ASNSD1: variants seen among roughly 807,000 people sequenced by gnomAD.
ASNSD1 encodes the protein asparagine synthetase domain-containing protein 1.
Under a neutral mutation model 48.3 loss-of-function variants are expected in ASNSD1, and 36 were observed. The ratio of observed to expected loss-of-function variants is 0.75; its 90% CI spans 0.57 to 0.99. The LOEUF (loss-of-function observed/expected upper bound fraction) is 0.99, where lower values mean the gene tolerates loss of function less well. Ranked by LOEUF, ASNSD1 falls within the 50% of genes least tolerant of loss-of-function variation. The pLI is 0.00. For synonymous variants in ASNSD1, 257 were observed against 262.1 expected, an observed-to-expected ratio of 0.98 and a Z score of 0.19; for missense variants, 714 against 758.2, an observed-to-expected ratio of 0.94 and a Z score of 0.69.
chr2:189,668,354 A>AC (rs1412992045), intron 5 of ASNSD1, among the ~76,000 whole-genome samples: 1 of 150,774 alleles, frequency 6.6e-6, no homozygotes, highest in East Asian at 1.9e-4. Context: ...ACTTCTACTA[A>AC]AAATACAAAA....
chr2:189,666,514 A>G lies in ASNSD1; in HGVS notation c.382A>G (p.Ser128Gly). 6.2e-7 allele frequency: 1 copy of G among 1,613,582 alleles called. No homozygotes were observed. Among genetic ancestry groups the G allele is most frequent in the Non-Finnish European group, 8.5e-7 (1 of 1,179,876 alleles). ...GTCATTTATATATTATCAAGCATCTAGTCATTATTTATGGTTTGGTAGGGA... is the reference window on the plus strand; with the variant it reads ...GTCATTTATATATTATCAAGCATCTGGTCATTATTTATGGTTTGGTAGGGA... Reference protein sequence around the residue: ...PWSFIYYQASSHYLWFGRDFF... With the variant: ...PWSFIYYQASGHYLWFGRDFF... Residue 128 changes from serine to glycine, a missense_variant, in exon 4 of 6, where the codon AGT (serine) becomes GGT (glycine). Transcript: ENST00000260952.
chr2:189,664,963 C>T (rs2032751614), intron 2 of ASNSD1, among the ~76,000 whole-genome samples: 1 of 152,108 alleles, frequency 6.6e-6, no homozygotes, highest in Non-Finnish European at 1.5e-5. Flanking sequence ...GATGGTAACA[C>T]CTTAAATGTC....
intron 4 of ASNSD1, 60 bp downstream of exon 4, chr2:189,667,656 T>A: frequency 1.3e-6 from 2 of 1,540,958 alleles, no homozygotes; most frequent in Non-Finnish European, 1.7e-6. Context: ...CCCTTAAAGC[T>A]TTTAGCATTT....
chr2:189,666,734 A>C lies in ASNSD1; in HGVS notation c.602A>C (p.Tyr201Ser), dbSNP rs146351895. ...ATTTTACAACTGTATCCTTGGAAAT[A>C]TATTTCTAGGGAGAATATTATTGAA... The part of the protein sequence containing the change: ...CIILQLYPWK[Y>S]ISRENIIEEN... The change falls in exon 4 of 6, where the codon TAT (tyrosine) becomes TCT (serine). Residue 201 changes from tyrosine (Y) to serine (S), a missense_variant. By Grantham distance (144) the Tyr-to-Ser change is moderately radical. Coordinates refer to ENST00000260952, the MANE Select transcript of ASNSD1 (RefSeq NM_019048.4). The C allele has an allele frequency of 2.5e-6, 4 of 1,613,166 alleles. No homozygotes were observed. The African/African-American group carries it at 5.3e-5, about 22-fold the overall frequency.
At position 189,666,029 on chromosome 2, in the gene ASNSD1, T is replaced by C. The variant is rs1308387325; in HGVS notation, c.-92-12T>C. The C allele has an allele frequency of 2.4e-6, 3 of 1,250,384 alleles. No individual in the cohort carries two copies. The highest frequency in any genetic ancestry group is 3.3e-6 in the Non-Finnish European group (3 of 918,152). The allele number at this position is 1,250,384 out of a possible 1,614,324, so 77.5% of individuals were successfully genotyped here. A position where few individuals can be genotyped will look rare whatever the true frequency, so the allele number is the denominator to read the frequency against. On this transcript the variant is annotated splice_polypyrimidine_tract_variant and intron_variant, in intron 3 of 5. Coordinates refer to ENST00000260952, the MANE Select transcript of ASNSD1 (RefSeq NM_019048.4). ...TATGTTATTTAATATTTATTCTCCT[T>C]CCCTGCAACAGATATATTGGATGAA... is the stretch of plus-strand genomic sequence containing the variant.
At position 189,666,267 on chromosome 2, in the gene ASNSD1, C is replaced by T. The variant is rs771137306; in HGVS notation, c.135C>T (p.Tyr45=). The part of the protein sequence containing the change: ...SKQLLKSDVN[Y]QCLFSAHVLH... ...AATTGTTAAAGTCTGATGTTAACTA[C>T]CAGTGTTTATTTTCTGCTCACGTCC... The change falls in exon 4 of 6, where the codon TAC becomes TAT. Residue 45 remains tyrosine (Y), a synonymous_variant. Coordinates refer to ENST00000260952, the MANE Select transcript of ASNSD1 (RefSeq NM_019048.4). 5 of 1,613,922 alleles carry T rather than the reference C, an allele frequency of 3.1e-6. No homozygotes were observed. The highest frequency in any genetic ancestry group is 1.1e-5 in the South Asian group (1 of 91,072).
Position 189,661,473 on chromosome 2 carries a change from A to T in ASNSD1, c.-360A>T. ...GCGCATGCGCTGTGGCTAATGCCGT[A>T]GGCTCCTTCAGGGCTGAGCCATCCC... On this transcript the variant is annotated 5_prime_UTR_variant, in exon 1 of 6. It removes the in-frame stop codon of an upstream open reading frame in the 5' UTR. Transcript: ENST00000260952. The T allele has an allele frequency of 2.5e-6, 1 of 399,198 alleles. No homozygotes were observed. Among genetic ancestry groups the T allele is most frequent in the Non-Finnish European group, 4.4e-6 (1 of 226,170 alleles). The allele number at this position is 399,198 out of a possible 1,614,324, so 24.7% of individuals were successfully genotyped here. A position where few individuals can be genotyped will look rare whatever the true frequency, so the allele number is the denominator to read the frequency against.
chr2:189,661,459 G>A lies in ASNSD1; in HGVS notation c.-374G>A, dbSNP rs1317091733. ...GCGCGGCTGGAAGCGCGCATGCGCT[G>A]TGGCTAATGCCGTAGGCTCCTTCAG... On this transcript the variant is annotated 5_prime_UTR_variant, in exon 1 of 6. It adds an upstream start codon to the 5' untranslated region. Transcript: ENST00000260952. 1.8e-5 allele frequency: 7 copies of A among 398,988 alleles called. No homozygotes were observed. The highest frequency in any genetic ancestry group is 2.5e-4 in the South Asian group (2 of 7,858). The allele number at this position is 398,988 out of a possible 1,614,324, so 24.7% of individuals were successfully genotyped here. A position where few individuals can be genotyped will look rare whatever the true frequency, so the allele number is the denominator to read the frequency against.
rs1559035122 is a variant in ASNSD1 at position 189,666,786 on chromosome 2, T to TCCC, written c.654_655insCCC (p.Ile218_Ser219insPro). ...AAAATGTTAATAGCCTGAGTCAAAT[T>TCCC]TCAGCAGACTTACCAGCATTTGTAT... On this transcript the variant is annotated inframe_insertion, in exon 4 of 6. Transcript: ENST00000260952. The TCCC allele has an allele frequency of 6.2e-7, 1 of 1,614,020 alleles. No homozygotes were observed. The highest frequency in any genetic ancestry group is 8.5e-7 in the Non-Finnish European group (1 of 1,179,890).
In ASNSD1 at chr2:189,661,600, TAAGCAGCAAGGTGA is replaced by T. The variant is rs2032665782; in HGVS notation, c.-232_-223+4del. 1 of 399,230 alleles carries T rather than the reference TAAGCAGCAAGGTGA, an allele frequency of 2.5e-6. No homozygotes were observed. The highest frequency in any genetic ancestry group is 4.4e-6 in the Non-Finnish European group (1 of 226,334). 24.7% of individuals were successfully genotyped at this position (399,230 alleles called of 1,614,324 possible). ...AATTCGACCCCACACAAGGAGGATC[TAAGCAGCAAGGTGA>T]GTGTGAGACGCGACGAAAAGGCTCC... On this transcript the variant is annotated splice_donor_variant and splice_donor_region_variant and 5_prime_UTR_variant and intron_variant, in exon 1 of 6. Coordinates refer to ENST00000260952, the MANE Select transcript of ASNSD1 (RefSeq NM_019048.4). LOFTEE classifies it low-confidence loss of function (5UTR_SPLICE).
intron 4 of ASNSD1, 84 bp downstream of exon 4, chr2:189,667,680 A>T: frequency 1.3e-6 from 2 of 1,539,476 alleles, no homozygotes; most frequent in Non-Finnish European, 1.7e-6. Flanking sequence ...TTGTAAGAAT[A>T]TAGCATATTT....
intron 1 of ASNSD1, among the ~76,000 whole-genome samples, chr2:189,661,846 G>C (rs974758727): frequency 6.6e-6 from 1 of 152,182 alleles, no homozygotes; most frequent in Non-Finnish European, 1.5e-5. Flanking sequence ...GTGACAGTGG[G>C]GCGGAGTTTT....
Position 189,666,235 on chromosome 2 carries a change from A to G in ASNSD1, c.103A>G (p.Ser35Gly), listed in dbSNP as rs749038399. The G allele has an allele frequency of 2.5e-6, 4 of 1,614,152 alleles. No homozygotes were observed. The highest frequency in any genetic ancestry group is 3.4e-6 in the Non-Finnish European group (4 of 1,179,994). The change falls in exon 4 of 6, where the codon AGT becomes GGT. Residue 35 changes from serine (S) to glycine (G), a missense_variant. By Grantham distance (56) the Ser-to-Gly change is moderately conservative. Transcript: ENST00000260952. ...YNLKQRGPNS[S>G]KQLLKSDVNY... ...TCTTAAACAGCGGGGACCCAATAGT[A>G]GTAAACAATTGTTAAAGTCTGATGT...
intron 1 of ASNSD1, among the ~76,000 whole-genome samples, chr2:189,662,760 T>C (rs2032695947): frequency 6.6e-6 from 1 of 151,918 alleles, no homozygotes; most frequent in South Asian, 2.1e-4. Context: ...AGAAACTTAG[T>C]TTTCACTTAG....
intron 2 of ASNSD1, among the ~76,000 whole-genome samples, 181 bp downstream of exon 2, chr2:189,664,135 G>A (rs1285547256): frequency 1.3e-5 from 2 of 152,142 alleles, no homozygotes; most frequent in African/African-American, 4.8e-5. Context: ...TCTCATAGCT[G>A]AAGATGTCTT....
chr2:189,665,281 A>AG, intron 2 of ASNSD1, 95 bp from the exon 3 acceptor site: 1 of 373,362 alleles, frequency 2.7e-6, no homozygotes, highest in East Asian at 3.7e-5. Flanking sequence ...ATTGTACTGA[A>AG]TAGATTTTCA....
In ASNSD1 at chr2:189,661,468, G is replaced by A; in HGVS notation, c.-365G>A. The A allele has an allele frequency of 2.5e-6, 1 of 399,202 alleles. No homozygotes were observed. Among genetic ancestry groups the A allele is most frequent in the Non-Finnish European group, 4.4e-6 (1 of 226,174 alleles). 24.7% of individuals were successfully genotyped at this position (399,202 alleles called of 1,614,324 possible). A position where few individuals can be genotyped will look rare whatever the true frequency, so the allele number is the denominator to read the frequency against. ...GAAGCGCGCATGCGCTGTGGCTAATGCCGTAGGCTCCTTCAGGGCTGAGCC... is the reference window on the plus strand; with the variant it reads ...GAAGCGCGCATGCGCTGTGGCTAATACCGTAGGCTCCTTCAGGGCTGAGCC... On this transcript the variant is annotated 5_prime_UTR_variant, in exon 1 of 6. It removes an upstream start codon present in the reference 5' UTR. Transcript: ENST00000260952.
rs1249857841 is a variant in ASNSD1 at position 189,666,945 on chromosome 2, A to G, written c.813A>G (p.Gln271=). Residue 271 remains glutamine (Q), a synonymous_variant, in exon 4 of 6, where the codon CAA becomes CAG. Coordinates refer to ENST00000260952, the MANE Select transcript of ASNSD1 (RefSeq NM_019048.4). The stretch of plus-strand genomic sequence containing the variant: ...TGCCACCTACAAGAGAGATACTTCA[A>G]GTCTTTCTTACTGATGTACACATGA... ...SNVPPTREIL[Q]VFLTDVHMKE... 1 of 1,614,120 alleles carries G rather than the reference A, an allele frequency of 6.2e-7. No homozygotes were observed. The highest frequency in any genetic ancestry group is 1.3e-5 in the African/African-American group (1 of 75,044).
chr2:189,670,332 T>C, intron 5 of ASNSD1, 109 bp from the exon 6 acceptor site: 1 of 812,042 alleles, frequency 1.2e-6, no homozygotes, highest in Non-Finnish European at 1.9e-6. Context: ...GTATTAAAAT[T>C]AGTCATGTTG....
Sources: allele counts gnomAD v4.1 joint callset (sites outside exome capture counted in the v4.1 genomes callset), GRCh38; gene constraint gnomAD v4.1.1; transcripts MANE v1.5; gene names NCBI Gene and HGNC (gene_info 2026-07-23, HGNC 2026-07-21).